Variants in SCEL observed in about 807,000 individuals in gnomAD.
The protein encoded by SCEL is sciellin.
Under a neutral mutation model 117.6 loss-of-function variants are expected in SCEL, and 113 were observed. That is an observed-to-expected ratio of 0.96 (90% CI 0.83 to 1.12). The LOEUF (loss-of-function observed/expected upper bound fraction) is 1.12. Ranked by LOEUF, SCEL falls within the 50% of genes most tolerant of loss-of-function variation. The pLI, the probability that SCEL is intolerant of heterozygous loss-of-function variation, is 0.00. For missense variants in SCEL, 785 were observed against 810.8 expected (o/e 0.97, Z 0.39); for synonymous variants, 270 against 256.2 (o/e 1.05, Z -0.51).
intron 1 of SCEL, among the ~76,000 whole-genome samples, chr13:77,542,356 C>T (rs995028399): frequency 1.1e-4 from 16 of 152,150 alleles, no homozygotes; most frequent in African/African-American, 3.6e-4. Context: ...GCCGAGATCA[C>T]GCCATTGCAC....
intron 4 of SCEL, among the ~76,000 whole-genome samples, chr13:77,562,146 T>G (rs1258052721): frequency 6.6e-6 from 1 of 152,150 alleles, no homozygotes; most frequent in Non-Finnish European, 1.5e-5. Context: ...ACAAAGTCCC[T>G]GCTTCCACAG....
chr13:77,640,116 C>T (rs1039519000), intron 30 of SCEL, among the ~76,000 whole-genome samples: 1 of 151,964 alleles, frequency 6.6e-6, no homozygotes, highest in East Asian at 1.9e-4. Context: ...GATAGGTATC[C>T]TTATATCCTG....
chr13:77,542,213 C>T (rs1347907075), intron 1 of SCEL, among the ~76,000 whole-genome samples: 1 of 152,036 alleles, frequency 6.6e-6, no homozygotes, highest in Non-Finnish European at 1.5e-5. Flanking sequence ...CCAGCCTGAC[C>T]AACATGGTGA....
At chr13:77,584,521 TC>T (rs2086453617) in intron 9 of SCEL, among the ~76,000 whole-genome samples, 1 of 152,146 alleles carries the variant, frequency 6.6e-6, no homozygotes, top group Non-Finnish European at 1.5e-5. Flanking sequence ...CTACTTCTAC[TC>T]CCCTGATCCA....
At chr13:77,598,313 C>T (rs1399329804) in intron 13 of SCEL, among the ~76,000 whole-genome samples, 1 of 152,164 alleles carries the variant, frequency 6.6e-6, no homozygotes, top group East Asian at 1.9e-4. Context: ...ACCCACTAAA[C>T]AGTGATCAAA....
chr13:77,589,051 A>G, intron 9 of SCEL, 93 bp from the exon 10 acceptor site: 1 of 902,866 alleles, frequency 1.1e-6, no homozygotes, highest in South Asian at 1.5e-5. Context: ...TGCAAAGGAT[A>G]TTTTTATGTA....
intron 24 of SCEL, 90 bp from the exon 25 acceptor site, chr13:77,617,509 C>T (rs2154403821): frequency 1.4e-6 from 1 of 736,716 alleles, no homozygotes; most frequent in Non-Finnish European, 2.3e-6. Context: ...TAATATGTCT[C>T]ATACTATTAT....
intron 8 of SCEL, 78 bp from the exon 9 acceptor site, chr13:77,572,046 C>T (rs1593979257): frequency 8.3e-7 from 1 of 1,200,676 alleles, no homozygotes; most frequent in East Asian, 2.4e-5. Flanking sequence ...GTCTTTTTAA[C>T]TGTCAAATTA....
chr13:77,593,795 A>G (rs994890331), intron 12 of SCEL, among the ~76,000 whole-genome samples: 1 of 152,066 alleles, frequency 6.6e-6, no homozygotes, highest in Non-Finnish European at 1.5e-5. Context: ...TTTTCTGGCA[A>G]TTTTACTCAC....
At position 77,610,083 on chromosome 13, in the gene SCEL, T is replaced by G; in HGVS notation, c.1314T>G (p.Pro438=). 1 of 1,610,580 alleles carries G rather than the reference T, an allele frequency of 6.2e-7. No individual in the cohort carries two copies. Among genetic ancestry groups the G allele is most frequent in the East Asian group, 2.2e-5 (1 of 44,646 alleles). The change falls in exon 22 of 33, where the codon CCT becomes CCG. Residue 438 remains proline, a synonymous_variant. Coordinates refer to ENST00000349847, the MANE Select transcript of SCEL (RefSeq NM_144777.3). ...TCGACAGCCTCATTAAAGTGACTCC[T>G]GAAAGAAACAGAACTAACCAAGGGT... The part of the protein sequence containing the change: ...QSLDSLIKVT[P]ERNRTNQGNQ...
chr13:77,545,509 T>C (rs2083938977), intron 1 of SCEL, among the ~76,000 whole-genome samples: 1 of 152,250 alleles, frequency 6.6e-6, no homozygotes, highest in Non-Finnish European at 1.5e-5. Context: ...ATTGTTGAAC[T>C]ATTTCTAAAA....
chr13:77,563,124 TC>T lies in SCEL; in HGVS notation c.222-699del, dbSNP rs747040539. Among the ~76,000 whole-genome samples, 50 of 151,716 alleles carry T rather than the reference TC, an allele frequency of 3.3e-4. 1 individual carries two copies. Among genetic ancestry groups the T allele is most frequent in the East Asian group, 2.5e-3 (13 of 5,156 alleles). On this transcript the variant is annotated intron_variant, in intron 4 of 32. Coordinates refer to ENST00000349847, the MANE Select transcript of SCEL (RefSeq NM_144777.3). ...TCCTCTTTTCTGTTATTTTCTAAAT[TC>T]CCCCCCCATTTTTGCTCATCTGTCT...
At chr13:77,585,003 T>A (rs2086481643) in intron 9 of SCEL, among the ~76,000 whole-genome samples, 1 of 152,186 alleles carries the variant, frequency 6.6e-6, no homozygotes, top group Non-Finnish European at 1.5e-5. Flanking sequence ...ACCTAGTAGG[T>A]GTTCTGTAAT....
At chr13:77,593,438 A>C in intron 11 of SCEL, 76 bp from the exon 12 acceptor site, 1 of 1,111,128 alleles carries the variant, frequency 9.0e-7, no homozygotes, top group Non-Finnish European at 1.4e-6. Context: ...ATTTACTGAA[A>C]ACAAATGAGA....
rs147769726 is a variant in SCEL at position 77,604,412 on chromosome 13, C to T, written c.1154C>T (p.Thr385Met). The T allele has an allele frequency of 1.2e-4, 186 of 1,574,224 alleles. No individual in the cohort carries two copies. Among genetic ancestry groups the T allele is most frequent in the Middle Eastern group, 3.4e-4 (2 of 5,922 alleles). The change falls in exon 19 of 33, where the codon ACG becomes ATG. Residue 385 changes from threonine to methionine, a missense_variant. Coordinates refer to ENST00000349847, the MANE Select transcript of SCEL (RefSeq NM_144777.3). ...KVDPETNKNI[T>M]RGQSLDNLIK... ...GATCCTGAAACAAATAAAAATATTA[C>T]GAGGTAAGACATTTAAAGCTCCCCC...
intron 5 of SCEL, 103 bp from the exon 6 acceptor site, chr13:77,567,577 A>G: frequency 1.3e-6 from 1 of 779,594 alleles, no homozygotes; most frequent in East Asian, 2.6e-5. Flanking sequence ...TCTCTTTACT[A>G]GAGAAAGGCT....
chr13:77,569,546 A>G (rs1479235582), intron 8 of SCEL, 95 bp downstream of exon 8: 4 of 864,560 alleles, frequency 4.6e-6, no homozygotes, highest in Non-Finnish European at 7.3e-6. Context: ...TCCAGCATCT[A>G]CATTCTGCTG....
intron 9 of SCEL, among the ~76,000 whole-genome samples, chr13:77,578,279 C>G (rs2086069062): frequency 6.6e-6 from 1 of 152,080 alleles, no homozygotes; most frequent in Admixed American, 6.5e-5. Flanking sequence ...GAGGGAGTCA[C>G]TCACCACATG....
At chr13:77,622,723 G>A (rs973167764) in intron 27 of SCEL, among the ~76,000 whole-genome samples, 2 of 152,194 alleles carry the variant, frequency 1.3e-5, no homozygotes, top group Middle Eastern at 3.4e-3. Flanking sequence ...TTAGCTGGGT[G>A]CGATGGCATG....
Sources: allele counts gnomAD v4.1 joint callset (sites outside exome capture counted in the v4.1 genomes callset), GRCh38; gene constraint gnomAD v4.1.1; transcripts MANE v1.5; gene names NCBI Gene and HGNC (gene_info 2026-07-23, HGNC 2026-07-21).